The following PPP2R3C variants were observed in gnomAD, a reference collection of about 807,000 sequenced individuals.
The protein encoded by PPP2R3C is serine/threonine-protein phosphatase 2A regulatory subunit B'' subunit gamma.
Under a neutral mutation model 63.7 loss-of-function variants are expected in PPP2R3C, and 47 were observed. The ratio of observed to expected loss-of-function variants is 0.74; its 90% confidence interval spans 0.58 to 0.94. The LOEUF is 0.94. Ranked by LOEUF, PPP2R3C falls within the 40% of genes least tolerant of loss-of-function variation. The pLI is 0.00. For synonymous variants in PPP2R3C, 180 were observed against 177.4 expected (o/e 1.01, Z -0.12); for missense variants, 421 against 518.4 (o/e 0.81, Z 1.82).
At position 35,117,132 on chromosome 14, in the gene PPP2R3C, C is replaced by G. The variant is rs552925521; in HGVS notation, c.59-395G>C. On this transcript the variant is annotated intron_variant, in intron 1 of 12. Coordinates refer to ENST00000261475, the MANE Select transcript of PPP2R3C (RefSeq NM_017917.4). ...GAGGGGTGAGCAAGACAGCCCCAGCCCCTGACCTCATGGAGTTTCAGCCTC... is the reference window on the plus strand; with the variant it reads ...GAGGGGTGAGCAAGACAGCCCCAGCGCCTGACCTCATGGAGTTTCAGCCTC... 1.8e-3 allele frequency: 823 copies of G among 455,882 alleles called. 15 individuals are homozygous for G. Among genetic ancestry groups the G allele is most frequent in the South Asian group, 0.011 (721 of 64,532 alleles). 28.2% of individuals were successfully genotyped at this position (455,882 alleles called of 1,614,324 possible).
intron 7 of PPP2R3C, among the ~76,000 whole-genome samples, chr14:35,097,542 G>T (rs2046038767): frequency 6.6e-6 from 1 of 150,724 alleles, no homozygotes; most frequent in South Asian, 2.1e-4. Flanking sequence ...GAGTGCAATG[G>T]TGTGATTTCA....
At chr14:35,117,637 AC>A (rs2046745952) in intron 1 of PPP2R3C, among the ~76,000 whole-genome samples, 1 of 151,844 alleles carries the variant, frequency 6.6e-6, no homozygotes, top group African/African-American at 2.4e-5. Flanking sequence ...TTCCTTCCCA[AC>A]AAGCCTGTAA....
intron 6 of PPP2R3C, among the ~76,000 whole-genome samples, chr14:35,103,613 G>T (rs1595103272): frequency 6.6e-6 from 1 of 152,156 alleles, no homozygotes; most frequent in African/African-American, 2.4e-5. Flanking sequence ...CCCTGGAAAG[G>T]TTTTAAAGTA....
intron 11 of PPP2R3C, among the ~76,000 whole-genome samples, chr14:35,090,291 G>A (rs1401768777): frequency 1.5e-5 from 2 of 130,042 alleles, no homozygotes; most frequent in East Asian, 2.3e-4. Context: ...GCCCAAGCTA[G>A]AATGCAGTGA....
In PPP2R3C at chr14:35,110,052, A is replaced by C. The variant is rs901081474; in HGVS notation, c.292-121T>G. On this transcript the variant is annotated intron_variant, in intron 3 of 12. Transcript: ENST00000261475. ...GTTGGCAGAGTCAATATTAAGATGA[A>C]TCTCATGCCCTATTATCCTTTTGAT... 4.4e-5 allele frequency: 30 copies of C among 689,098 alleles called. No individual in the cohort carries two copies. In the Admixed American group the frequency reaches 9.0e-4, roughly 21 times the overall value. 42.7% of individuals were successfully genotyped at this position (689,098 alleles called of 1,614,324 possible).
rs757292076 is a variant in PPP2R3C at position 35,091,196 on chromosome 14, G to A, written c.987C>T (p.Thr329=). The A allele has an allele frequency of 1.2e-6, 2 of 1,608,754 alleles. No individual in the cohort carries two copies. Among genetic ancestry groups the A allele is most frequent in the South Asian group, 2.2e-5 (2 of 90,462 alleles). Residue 329 remains threonine, a synonymous_variant, in exon 11 of 13, where the codon ACC becomes ACT. Transcript: ENST00000261475. ...LTYDGEMDYK[T]YLDFVLALEN... ...CTAATGCAAGGACAAAGTCCAAGTA[G>A]GTCTTATAGTCCTACAGAACAGAAA... is the stretch of plus-strand genomic sequence containing the variant.
At chr14:35,115,148 CTTTTTT>C in intron 2 of PPP2R3C, among the ~76,000 whole-genome samples, 1 of 141,376 alleles carries the variant, frequency 7.1e-6, no homozygotes, top group Non-Finnish European at 1.5e-5. Context: ...TTGTAAACGG[CTTTTTT>C]TTTTTTCTTT....
intron 10 of PPP2R3C, among the ~76,000 whole-genome samples, chr14:35,094,481 TA>T (rs76520532): frequency 0.073 from 10,615 of 144,450 alleles, 483 homozygotes; most frequent in Non-Finnish European, 0.11. Context: ...AGCTTTTTTT[TA>T]AAAAAAAAAA....
At chr14:35,107,399 G>GT (rs1376552038) in intron 5 of PPP2R3C, 25 bp from the exon 6 acceptor site, 1 of 1,541,534 alleles carries the variant, frequency 6.5e-7, no homozygotes, top group Admixed American at 1.7e-5. Flanking sequence ...GAAAATGAAA[G>GT]TAATTCTTAA....
At chr14:35,113,830 C>A (rs1178520007) in intron 2 of PPP2R3C, among the ~76,000 whole-genome samples, 5 of 152,286 alleles carry the variant, frequency 3.3e-5, no homozygotes, top group African/African-American at 1.2e-4. Flanking sequence ...GACCTGCATA[C>A]CCTACCTGAT....
chr14:35,085,971 C>T (rs2045580251), intron 12 of PPP2R3C, 193 bp from the exon 13 acceptor site: 2 of 544,914 alleles, frequency 3.7e-6, no homozygotes, highest in Non-Finnish European at 6.4e-6. Flanking sequence ...CTTTTCTCTA[C>T]CTACAACCAC....
At chr14:35,118,799 A>C (rs2046778437) in intron 1 of PPP2R3C, among the ~76,000 whole-genome samples, 1 of 151,612 alleles carries the variant, frequency 6.6e-6, no homozygotes, top group Admixed American at 6.6e-5. Context: ...GATTACAGAC[A>C]CTTGCCACAA....
intron 6 of PPP2R3C, chr14:35,101,370 A>T (rs2046184584): frequency 6.6e-6 from 1 of 152,216 alleles, no homozygotes; most frequent in Non-Finnish European, 1.5e-5. Context: ...ACAGGAAATG[A>T]GGAGGGCAAG....
chr14:35,117,215 T>C, intron 1 of PPP2R3C: 1 of 454,602 alleles, frequency 2.2e-6, no homozygotes, highest in Non-Finnish European at 4.4e-6. Flanking sequence ...TCATCCTCTG[T>C]CTGAAGCTCA....
Position 35,095,167 on chromosome 14 carries a change from C to T in PPP2R3C, c.856G>A (p.Asp286Asn), listed in dbSNP as rs755429038. 3.7e-6 allele frequency: 6 copies of T among 1,613,436 alleles called. No homozygotes were observed. Among genetic ancestry groups the T allele is most frequent in the Non-Finnish European group, 5.1e-6 (6 of 1,179,620 alleles). Residue 286 changes from aspartate (D) to asparagine (N), a missense_variant, in exon 10 of 13, where the codon GAT becomes AAT. Coordinates refer to ENST00000261475, the MANE Select transcript of PPP2R3C (RefSeq NM_017917.4). ...CTGAGCATGCCATTGTGATCTTTATCAAGATTCAAGTACTGGCCTTGGGAA... is the reference window on the plus strand; with the variant it reads ...CTGAGCATGCCATTGTGATCTTTATTAAGATTCAAGTACTGGCCTTGGGAA... ...LRVYGQYLNL[D>N]KDHNGMLSKE...
At chr14:35,085,824 C>T (rs1377437707) in intron 12 of PPP2R3C, 46 bp from the exon 13 acceptor site, 2 of 1,491,866 alleles carry the variant, frequency 1.3e-6, no homozygotes, top group Non-Finnish European at 1.8e-6. Flanking sequence ...CACTTAATTT[C>T]TATCACACAT....
intron 2 of PPP2R3C, among the ~76,000 whole-genome samples, chr14:35,111,421 A>G (rs2138699332): frequency 1.3e-5 from 2 of 152,324 alleles, no homozygotes; most frequent in Middle Eastern, 6.8e-3. Context: ...ATTCCTGGGC[A>G]TGGGCCAAGA....
Position 35,121,920 on chromosome 14 carries a change from G to A in PPP2R3C, c.40C>T (p.Pro14Ser), listed in dbSNP as rs1566433958. Residue 14 changes from proline to serine, a missense_variant, in exon 1 of 13, where the codon CCC becomes TCC. Transcript: ENST00000261475. Reference protein sequence around the residue: ...KEVLRRRLATPNTCPNKKKSE... With the variant: ...KEVLRRRLATSNTCPNKKKSE... Reference sequence around the variant, plus strand: ...AACTCACTGTTTGGACAGGTGTTGGGCGTCGCTAGGCGCCGACGAAGAACT... The same window carrying A: ...AACTCACTGTTTGGACAGGTGTTGGACGTCGCTAGGCGCCGACGAAGAACT... The A allele has an allele frequency of 6.2e-7, 1 of 1,614,150 alleles. No individual in the cohort carries two copies. Among genetic ancestry groups the A allele is most frequent in the Non-Finnish European group, 8.5e-7 (1 of 1,180,024 alleles).
At position 35,085,539 on chromosome 14, in the gene PPP2R3C, C is replaced by A; in HGVS notation, c.*51G>T. 6.8e-7 allele frequency: 1 copy of A among 1,464,090 alleles called. No homozygotes were observed. Among genetic ancestry groups the A allele is most frequent in the Non-Finnish European group, 9.2e-7 (1 of 1,089,904 alleles). The allele number at this position is 1,464,090 out of a possible 1,614,324, so 90.7% of individuals were successfully genotyped here. On this transcript the variant is annotated 3_prime_UTR_variant, in exon 13 of 13. Coordinates refer to ENST00000261475, the MANE Select transcript of PPP2R3C (RefSeq NM_017917.4). ...TGAGGATTTTGCTTTAAAGGCTTTA[C>A]ATGCAGCATTCAAGTATCTCATAAT...
Sources: allele counts gnomAD v4.1 joint callset (sites outside exome capture counted in the v4.1 genomes callset), GRCh38; gene constraint gnomAD v4.1.1; transcripts MANE v1.5; gene names NCBI Gene and HGNC (gene_info 2026-07-23, HGNC 2026-07-21).